KCTD16: variants seen among roughly 807,000 people sequenced by gnomAD.
KCTD16 encodes potassium channel tetramerization domain containing 16.
KCTD16 carries 13 observed loss-of-function variants against 33.2 expected under a neutral mutation model. The observed-to-expected ratio is 0.39, with a 90% CI of 0.25 to 0.62. The LOEUF is 0.62. Among genes scored for constraint, KCTD16 ranks in the 20% least tolerant of loss-of-function variants. The probability of loss-of-function intolerance (pLI) is 0.50; values close to 1 mark genes in which losing one functional copy is unlikely to be tolerated. For synonymous variants in KCTD16, 197 were observed against 195.3 expected, an observed-to-expected ratio of 1.01 and a Z score of -0.07; for missense variants, 441 against 525.1, an observed-to-expected ratio of 0.84 and a Z score of 1.57.
intron 3 of KCTD16, among the ~76,000 whole-genome samples, chr5:144,383,896 T>C (rs1752269633): frequency 4.6e-5 from 7 of 152,178 alleles, no homozygotes; most frequent in Admixed American, 3.9e-4. Context: ...TAAAAACCAA[T>C]ATTATAAAAA....
At chr5:144,386,533 CTG>C (rs1752327769) in intron 3 of KCTD16, among the ~76,000 whole-genome samples, 1 of 152,186 alleles carries the variant, frequency 6.6e-6, no homozygotes, top group Admixed American at 6.5e-5. Flanking sequence ...ACTTTAGACT[CTG>C]TATATGCTCA....
intron 3 of KCTD16, among the ~76,000 whole-genome samples, chr5:144,368,224 A>G (rs1751883345): frequency 6.6e-6 from 1 of 152,170 alleles, no homozygotes; most frequent in African/African-American, 2.4e-5. Context: ...ACATGACAGA[A>G]GGGAATTTGC....
chr5:144,233,456 C>T (rs1754163898), intron 3 of KCTD16, among the ~76,000 whole-genome samples: 1 of 152,044 alleles, frequency 6.6e-6, no homozygotes, highest in Non-Finnish European at 1.5e-5. Context: ...AGCTTTCTTC[C>T]TATGCCTGGA....
chr5:144,360,620 T>C (rs1053752605), intron 3 of KCTD16, among the ~76,000 whole-genome samples: 2 of 152,002 alleles, frequency 1.3e-5, no homozygotes, highest in Non-Finnish European at 2.9e-5. Flanking sequence ...TTAGTAGAGA[T>C]GGGCTTTCAC....
At position 144,314,645 on chromosome 5, in the gene KCTD16, A is replaced by G. The variant is rs902140561; in HGVS notation, c.832+107099A>G. The stretch of plus-strand genomic sequence containing the variant: ...GTAGGATGTCAGGATTATGTATAAA[A>G]GGAATCCAGCTATGTTCTTCTCTTA... On this transcript the variant is annotated intron_variant, in intron 3 of 3. Transcript: ENST00000512467. Among the ~76,000 whole-genome samples, 4 of 152,228 alleles carry G rather than the reference A, an allele frequency of 2.6e-5. 1 individual carries two copies. Among genetic ancestry groups the G allele is most frequent in the Non-Finnish European group, 5.9e-5 (4 of 68,046 alleles).
chr5:144,442,959 G>A (rs529694008), intron 3 of KCTD16, among the ~76,000 whole-genome samples: 15 of 152,200 alleles, frequency 9.9e-5, no homozygotes, highest in Middle Eastern at 3.4e-3. Flanking sequence ...AGCTGGATAT[G>A]AAGCAATTGT....
At chr5:144,385,487 AG>A (rs1192379435) in intron 3 of KCTD16, among the ~76,000 whole-genome samples, 1 of 152,166 alleles carries the variant, frequency 6.6e-6, no homozygotes, top group African/African-American at 2.4e-5. Context: ...AGTGGGTGGA[AG>A]GGACCAAATA....
chr5:144,258,980 C>T (rs1270980612), intron 3 of KCTD16, among the ~76,000 whole-genome samples: 3 of 151,960 alleles, frequency 2.0e-5, no homozygotes, highest in Non-Finnish European at 4.4e-5. Flanking sequence ...GGGATGAGGC[C>T]GGGTGCGGTG....
At chr5:144,353,988 A>T (rs1751511909) in intron 3 of KCTD16, among the ~76,000 whole-genome samples, 1 of 152,120 alleles carries the variant, frequency 6.6e-6, no homozygotes, top group Non-Finnish European at 1.5e-5. Context: ...TTGAAGAGAG[A>T]ACAAAGAAAC....
chr5:144,390,070 GTCTT>G, intron 3 of KCTD16, among the ~76,000 whole-genome samples: 1 of 152,252 alleles, frequency 6.6e-6, no homozygotes, highest in Admixed American at 6.5e-5. Flanking sequence ...AGACTAATGA[GTCTT>G]TATCATTCAT....
intron 3 of KCTD16, among the ~76,000 whole-genome samples, chr5:144,273,922 T>TAA (rs1456722179): frequency 5.3e-5 from 8 of 151,632 alleles, no homozygotes; most frequent in Non-Finnish European, 1.2e-4. Context: ...CAAAAATGGT[T>TAA]AAAATGGTAA....
intron 3 of KCTD16, among the ~76,000 whole-genome samples, chr5:144,387,841 C>T (rs1277087584): frequency 6.6e-6 from 1 of 152,116 alleles, no homozygotes; most frequent in African/African-American, 2.4e-5. Flanking sequence ...ACAACCCTAT[C>T]ATTGAAGAGT....
At chr5:144,321,744 A>G (rs1023688405) in intron 3 of KCTD16, among the ~76,000 whole-genome samples, 5 of 152,196 alleles carry the variant, frequency 3.3e-5, no homozygotes, top group African/African-American at 1.2e-4. Flanking sequence ...ATAATATGCA[A>G]CACCTCTGTG....
intron 3 of KCTD16, among the ~76,000 whole-genome samples, chr5:144,236,682 A>T (rs1372101976): frequency 1.3e-5 from 2 of 152,142 alleles, no homozygotes; most frequent in African/African-American, 4.8e-5. Flanking sequence ...CTTGAACAGC[A>T]CATGACCTTA....
At position 144,184,182 on chromosome 5, in the gene KCTD16, CATT is replaced by C. The variant is rs551011244; in HGVS notation, c.-327+9711_-327+9713del. Among the ~76,000 whole-genome samples the C allele has an allele frequency of 2.7e-3, 416 of 152,312 alleles. 5 individuals are homozygous for C. The highest frequency in any genetic ancestry group is 8.8e-3 in the African/African-American group (367 of 41,566). On this transcript the variant is annotated intron_variant, in intron 2 of 3. Transcript: ENST00000512467. ...AGTTCAGTGTTGTTAAGTGTATTCACATTGTTGTGAAACTAATCTCTATAACTT... is the reference window on the plus strand; with the variant it reads ...AGTTCAGTGTTGTTAAGTGTATTCACGTTGTGAAACTAATCTCTATAACTT...
intron 3 of KCTD16, among the ~76,000 whole-genome samples, chr5:144,249,446 T>A (rs1383799024): frequency 6.6e-6 from 1 of 152,306 alleles, no homozygotes; most frequent in South Asian, 2.1e-4. Flanking sequence ...ACAAAGTATC[T>A]TATCTGACTT....
At chr5:144,448,427 T>G (rs531826729) in intron 3 of KCTD16, among the ~76,000 whole-genome samples, 1 of 152,072 alleles carries the variant, frequency 6.6e-6, no homozygotes, top group Non-Finnish European at 1.5e-5. Context: ...TTCTTGGAGA[T>G]GAAGTTTTGA....
At chr5:144,228,864 C>T (rs1366709957) in intron 3 of KCTD16, among the ~76,000 whole-genome samples, 1 of 152,058 alleles carries the variant, frequency 6.6e-6, no homozygotes, top group Admixed American at 6.5e-5. Context: ...ACATATAGTA[C>T]CTACGTATAG....
intron 3 of KCTD16, among the ~76,000 whole-genome samples, chr5:144,247,726 A>C (rs1212147835): frequency 6.6e-6 from 1 of 152,218 alleles, no homozygotes; most frequent in Non-Finnish European, 1.5e-5. Context: ...AGAAAAGTAA[A>C]CCAACCAATA....
Sources: allele counts gnomAD v4.1 joint callset (sites outside exome capture counted in the v4.1 genomes callset), GRCh38; gene constraint gnomAD v4.1.1; transcripts MANE v1.5; gene names NCBI Gene and HGNC (gene_info 2026-07-23, HGNC 2026-07-21).